The following FAR2 variants were observed in gnomAD, a reference collection of about 807,000 sequenced individuals.
The protein encoded by FAR2 is epididymis secretory protein Li 81.
FAR2 carries 19 observed loss-of-function variants against 56.0 expected under a neutral mutation model. The ratio of observed to expected loss-of-function variants is 0.34; its 90% confidence interval spans 0.24 to 0.50. The LOEUF is 0.50. Ranked by LOEUF, FAR2 falls within the 20% of genes least tolerant of loss-of-function variation. FAR2 has a pLI of 0.98. For missense variants in FAR2, 508 were observed against 642.2 expected, an observed-to-expected ratio of 0.79 and a Z score of 2.26; for synonymous variants, 219 against 218.8, an observed-to-expected ratio of 1.00 and a Z score of -0.01.
intron 10 of FAR2, among the ~76,000 whole-genome samples, chr12:29,324,774 G>T (rs1229131657): frequency 6.6e-6 from 1 of 152,158 alleles, no homozygotes; most frequent in East Asian, 1.9e-4. Flanking sequence ...AGGAACAACT[G>T]ATACCAGCCA....
chr12:29,181,274 C>T (rs918580832), intron 1 of FAR2, among the ~76,000 whole-genome samples: 3 of 152,116 alleles, frequency 2.0e-5, no homozygotes, highest in African/African-American at 7.2e-5. Context: ...TAAACACCTC[C>T]TTTGAGTCAT....
chr12:29,239,993 A>C (rs755148031), intron 1 of FAR2, among the ~76,000 whole-genome samples: 1 of 152,106 alleles, frequency 6.6e-6, no homozygotes, highest in Non-Finnish European at 1.5e-5. Flanking sequence ...CATTACTTTT[A>C]TCCTATGTTT....
intron 1 of FAR2, among the ~76,000 whole-genome samples, chr12:29,219,771 C>T (rs111905659): frequency 7.9e-5 from 12 of 152,214 alleles, no homozygotes; most frequent in Admixed American, 3.3e-4. Context: ...TTCCAGAAGA[C>T]CCCCAAAGGA....
intron 2 of FAR2, among the ~76,000 whole-genome samples, chr12:29,286,809 A>T (rs1239831227): frequency 1.3e-5 from 2 of 152,150 alleles, no homozygotes; most frequent in East Asian, 3.9e-4. Context: ...TAAGTGCAAA[A>T]TTGTCTTTAA....
intron 4 of FAR2, among the ~76,000 whole-genome samples, chr12:29,305,072 G>A (rs1949233965): frequency 6.6e-6 from 1 of 151,728 alleles, no homozygotes; most frequent in Non-Finnish European, 1.5e-5. Context: ...AGCTTCAGAT[G>A]GTCTGTTTGG....
chr12:29,288,335 T>A (rs1029840739), intron 2 of FAR2, among the ~76,000 whole-genome samples: 1 of 152,152 alleles, frequency 6.6e-6, no homozygotes, highest in Admixed American at 6.5e-5. Flanking sequence ...TACCTCTCAG[T>A]CTTGTGCCAT....
intron 1 of FAR2, among the ~76,000 whole-genome samples, chr12:29,152,788 G>A (rs1565674708): frequency 6.6e-6 from 1 of 152,220 alleles, no homozygotes; most frequent in Non-Finnish European, 1.5e-5. Context: ...AATGAGTGGT[G>A]CAGAAAATAA....
At chr12:29,194,521 C>CACACA (rs1950128924) in intron 1 of FAR2, among the ~76,000 whole-genome samples, 2 of 140,792 alleles carry the variant, frequency 1.4e-5, no homozygotes, top group African/African-American at 2.7e-5. Context: ...GCTAGTGATG[C>CACACA]CACACACACA....
chr12:29,273,185 T>C (rs2136710937), intron 2 of FAR2, among the ~76,000 whole-genome samples: 1 of 152,110 alleles, frequency 6.6e-6, no homozygotes, highest in East Asian at 1.9e-4. Context: ...TGTGTTTCAC[T>C]GGGGGGAAAC....
chr12:29,258,114 C>T (rs893149695), intron 1 of FAR2, among the ~76,000 whole-genome samples: 1 of 151,370 alleles, frequency 6.6e-6, no homozygotes, highest in South Asian at 2.1e-4. Context: ...GAGGCTGAGG[C>T]GGGTGGATCA....
chr12:29,249,711 A>C (rs536560881), intron 1 of FAR2, among the ~76,000 whole-genome samples: 1 of 152,340 alleles, frequency 6.6e-6, no homozygotes, highest in African/African-American at 2.4e-5. Flanking sequence ...CTATCATTAG[A>C]AATGTAAATT....
At chr12:29,258,356 A>C (rs938850073) in intron 1 of FAR2, among the ~76,000 whole-genome samples, 3 of 152,178 alleles carry the variant, frequency 2.0e-5, no homozygotes, top group African/African-American at 7.2e-5. Context: ...CTCCATCTCA[A>C]AAAACGAAAC....
At position 29,186,762 on chromosome 12, in the gene FAR2, ATTTATTTATTTATTTATTTAT is replaced by A. The variant is rs1565685651; in HGVS notation, c.-39+37358_-39+37378del. 5.1e-5 allele frequency among the ~76,000 whole-genome samples: 7 copies of A among 137,444 alleles called. 1 individual carries two copies. Among genetic ancestry groups the A allele is most frequent in the Admixed American group, 1.4e-4 (2 of 14,588 alleles). 90.2% of individuals were successfully genotyped at this position (137,444 alleles called of 152,430 possible). Reference sequence around the variant, plus strand: ...CAGCTTAGTTCTTTATTTATTATTTATTTATTTATTTATTTATTTATTTATTTATTTATTTATTTATTTTGA... The same window carrying A: ...CAGCTTAGTTCTTTATTTATTATTTATTATTTATTTATTTATTTATTTTGA... On this transcript the variant is annotated intron_variant, in intron 1 of 11. Coordinates refer to ENST00000536681, the MANE Select transcript of FAR2 (RefSeq NM_001271783.2).
chr12:29,262,598 C>G (rs1320312245), intron 1 of FAR2, among the ~76,000 whole-genome samples: 2 of 152,054 alleles, frequency 1.3e-5, no homozygotes, highest in African/African-American at 4.8e-5. Flanking sequence ...CCACTGCACA[C>G]CAGCCTGGGC....
intron 4 of FAR2, 140 bp from the exon 5 acceptor site, chr12:29,307,518 C>T: frequency 1.2e-6 from 1 of 811,648 alleles, no homozygotes; most frequent in Non-Finnish European, 1.9e-6. Context: ...GGTACACACT[C>T]AAACTTGGTA....
At chr12:29,278,548 A>G (rs974881852) in intron 2 of FAR2, among the ~76,000 whole-genome samples, 2 of 151,754 alleles carry the variant, frequency 1.3e-5, no homozygotes, top group African/African-American at 2.4e-5. Flanking sequence ...TGGTCTCACT[A>G]CATTGTACAG....
chr12:29,284,304 A>G (rs1948835873), intron 2 of FAR2, among the ~76,000 whole-genome samples: 1 of 152,250 alleles, frequency 6.6e-6, no homozygotes, highest in Non-Finnish European at 1.5e-5. Context: ...AGTATATAAG[A>G]GAAGAGTTAG....
At chr12:29,317,995 C>CTG (rs1461916559) in intron 9 of FAR2, 3 of 152,638 alleles carry the variant, frequency 2.0e-5, no homozygotes, top group African/African-American at 7.2e-5. Context: ...CACCACCTAG[C>CTG]TGTGTGACAC....
chr12:29,156,068 G>C (rs948881523), intron 1 of FAR2, among the ~76,000 whole-genome samples: 1 of 152,172 alleles, frequency 6.6e-6, no homozygotes, highest in Admixed American at 6.5e-5. Flanking sequence ...GGTTACTAGA[G>C]GTTGAAGGCA....
Sources: allele counts gnomAD v4.1 joint callset (sites outside exome capture counted in the v4.1 genomes callset), GRCh38; gene constraint gnomAD v4.1.1; transcripts MANE v1.5; gene names NCBI Gene and HGNC (gene_info 2026-07-23, HGNC 2026-07-21).